The following ANKRD26 variants were observed in gnomAD, a reference collection of about 807,000 sequenced individuals.
ANKRD26 encodes ankyrin repeat domain 26.
ANKRD26 carries 141 observed loss-of-function variants against 208.7 expected under a neutral mutation model. The observed-to-expected ratio is 0.68, with a 90% CI of 0.59 to 0.78. The LOEUF (loss-of-function observed/expected upper bound fraction) is 0.78. Ranked by LOEUF, ANKRD26 falls within the 30% of genes least tolerant of loss-of-function variation. ANKRD26 has a pLI of 0.00. For synonymous variants in ANKRD26, 636 were observed against 660.4 expected (o/e 0.96, Z 0.57); for missense variants, 1,889 against 1,938.7 (o/e 0.97, Z 0.48).
At chr10:26,991,774 G>A (rs1286274681), downstream of ANKRD26, 5 of 149,206 alleles carry the variant, frequency 3.4e-5, no homozygotes, top group Non-Finnish European at 7.4e-5. Flanking sequence ...AAGACAAAAT[G>A]GTTGCATCCT....
intron 11 of ANKRD26, among the ~76,000 whole-genome samples, chr10:27,065,730 A>C (rs1279183845): frequency 9.6e-6 from 1 of 104,154 alleles, no homozygotes; most frequent in Non-Finnish European, 2.5e-5. Context: ...GTTGTCAAAA[A>C]ACAAAAAAAA....
intron 2 of ANKRD26, 64 bp from the exon 3 acceptor site, chr10:27,093,586 GTT>G (rs2056370444): frequency 7.5e-6 from 12 of 1,601,644 alleles, no homozygotes; most frequent in Non-Finnish European, 1.0e-5. Context: ...CACTCCACAG[GTT>G]TCACCAATTA....
rs2054094816 is a variant in ANKRD26, at chr10:27,037,870, C to T, written c.2559+1G>A. The T allele has an allele frequency of 6.2e-7, 1 of 1,601,428 alleles. No homozygotes were observed. Among genetic ancestry groups the T allele is most frequent in the Admixed American group, 1.7e-5 (1 of 59,630 alleles). Reference sequence around the variant, plus strand: ...AAAATTTTTATCAAAAATTAATTTACCTGATTCAAATTACTTTTTACAGTC... The same window carrying T: ...AAAATTTTTATCAAAAATTAATTTATCTGATTCAAATTACTTTTTACAGTC... On this transcript the variant is annotated splice_donor_variant, in intron 22 of 33. Coordinates refer to ENST00000376087, the MANE Select transcript of ANKRD26 (RefSeq NM_014915.3). LOFTEE classifies it high-confidence loss of function.
chr10:27,031,233 C>G (rs1438051876), intron 25 of ANKRD26, among the ~76,000 whole-genome samples: 1 of 152,128 alleles, frequency 6.6e-6, no homozygotes, highest in Admixed American at 6.5e-5. Context: ...AAACATATGT[C>G]TTATAAATGA....
At chr10:27,076,527 A>G (rs1456477977) in intron 9 of ANKRD26, among the ~76,000 whole-genome samples, 1 of 152,084 alleles carries the variant, frequency 6.6e-6, no homozygotes, top group Non-Finnish European at 1.5e-5. Flanking sequence ...GGCCTCCCAA[A>G]GTGCTGGGAT....
At chr10:26,965,457 C>T in the ANKRD26 span, among the ~76,000 whole-genome samples, 3 of 152,186 alleles carry the variant, frequency 2.0e-5, no homozygotes, top group Non-Finnish European at 4.4e-5. Flanking sequence ...GGACCCCTTC[C>T]TTACACCTTA....
chr10:27,012,644 C>T (rs1457713740), intron 32 of ANKRD26, among the ~76,000 whole-genome samples: 1 of 151,968 alleles, frequency 6.6e-6, no homozygotes, highest in South Asian at 2.1e-4. Flanking sequence ...GAAACCCAGT[C>T]TCTACTAGAA....
At chr10:27,059,774 G>A (rs2054981886) in intron 15 of ANKRD26, among the ~76,000 whole-genome samples, 1 of 151,792 alleles carries the variant, frequency 6.6e-6, no homozygotes, top group Admixed American at 6.6e-5. Flanking sequence ...GCCGGGCATG[G>A]TGGTGTGTGC....
chr10:27,049,093 A>G (rs1200066710), intron 16 of ANKRD26, 114 bp from the exon 17 acceptor site: 1 of 892,994 alleles, frequency 1.1e-6, no homozygotes, highest in African/African-American at 1.7e-5. Flanking sequence ...TTTAGCCAAT[A>G]AAAATATTTT....
intron 4 of ANKRD26, among the ~76,000 whole-genome samples, chr10:26,998,194 AT>A (rs1450430401): frequency 6.6e-6 from 1 of 152,210 alleles, no homozygotes; most frequent in Non-Finnish European, 1.5e-5. Context: ...ATAATGTATC[AT>A]TTTTACTGTT....
chr10:27,015,216 A>G (rs1169077650), intron 30 of ANKRD26, among the ~76,000 whole-genome samples: 3 of 152,238 alleles, frequency 2.0e-5, no homozygotes, highest in African/African-American at 7.2e-5. Context: ...GGCAAAGTAA[A>G]TTAAAGCAAT....
downstream of ANKRD26, among the ~76,000 whole-genome samples, chr10:26,991,348 G>C (rs978639060): frequency 6.6e-6 from 1 of 152,172 alleles, no homozygotes; most frequent in African/African-American, 2.4e-5. Flanking sequence ...TTAAGGATGT[G>C]TGCCCAGGAG....
chr10:27,062,046 G>A (rs1019880111), intron 12 of ANKRD26: 34 of 984,934 alleles, frequency 3.5e-5, no homozygotes, highest in African/African-American at 2.1e-4. Flanking sequence ...TTTCCTCATC[G>A]TTAACTCCAA....
chr10:26,973,456 CT>C (rs201741411), downstream of ANKRD26, among the ~76,000 whole-genome samples: 577 of 142,936 alleles, frequency 4.0e-3, 4 homozygotes, highest in African/African-American at 0.012. Context: ...TATATCTTTC[CT>C]TTTTTTTTTT....
At chr10:27,032,892 A>C (rs749233422) in intron 25 of ANKRD26, among the ~76,000 whole-genome samples, 21 of 151,358 alleles carry the variant, frequency 1.4e-4, no homozygotes, top group Non-Finnish European at 2.4e-4. Flanking sequence ...TAACACGGTG[A>C]AACCTCGTCT....
intron 6 of ANKRD26, chr10:27,081,051 TTA>T: frequency 1.6e-6 from 1 of 614,568 alleles, no homozygotes; most frequent in Non-Finnish European, 2.0e-6. Context: ...GCAGAAGTAG[TTA>T]TAGTACATTC....
chr10:26,956,457 A>G, the ANKRD26 span, among the ~76,000 whole-genome samples: 1 of 152,064 alleles, frequency 6.6e-6, no homozygotes, highest in Non-Finnish European at 1.5e-5. Flanking sequence ...ATTTTCTTCC[A>G]TTAAGTCTCT....
At chr10:27,023,180 T>C (rs1446905759) in intron 28 of ANKRD26, among the ~76,000 whole-genome samples, 4 of 151,858 alleles carry the variant, frequency 2.6e-5, no homozygotes, top group African/African-American at 9.7e-5. Flanking sequence ...AATACAAAAA[T>C]TAGCCAGGCG....
chr10:27,075,782 A>C (rs2055673592), intron 9 of ANKRD26, among the ~76,000 whole-genome samples: 1 of 152,242 alleles, frequency 6.6e-6, no homozygotes, highest in South Asian at 2.1e-4. Context: ...ATTCTACCTG[A>C]GAACTGCAGA....
Sources: allele counts gnomAD v4.1 joint callset (sites outside exome capture counted in the v4.1 genomes callset), GRCh38; gene constraint gnomAD v4.1.1; transcripts MANE v1.5; gene names NCBI Gene and HGNC (gene_info 2026-07-23, HGNC 2026-07-21).